The following DGKG variants were observed in gnomAD, a reference collection of about 807,000 sequenced individuals.
The protein encoded by DGKG is DAG kinase gamma.
DGKG carries 78 observed loss-of-function variants against 105.3 expected under a neutral mutation model. That is an observed-to-expected ratio of 0.74 (90% confidence interval 0.62 to 0.89). The LOEUF is 0.89. DGKG is among the 40% of genes least tolerant of loss of function. The pLI is 0.00. For missense variants in DGKG, 958 were observed against 1,020.1 expected, an observed-to-expected ratio of 0.94 and a Z score of 0.83; for synonymous variants, 346 against 367.1, an observed-to-expected ratio of 0.94 and a Z score of 0.66.
intron 22 of DGKG, 58 bp downstream of exon 22, chr3:186,188,144 C>T: frequency 1.3e-6 from 2 of 1,592,474 alleles, no homozygotes; most frequent in South Asian, 1.1e-5. Flanking sequence ...TGACATCCAC[C>T]TGAGGGCACC....
intron 5 of DGKG, among the ~76,000 whole-genome samples, chr3:186,292,984 C>T (rs1211204641): frequency 6.6e-6 from 1 of 152,124 alleles, no homozygotes; most frequent in Non-Finnish European, 1.5e-5. Context: ...TTTTAGAGCA[C>T]TGTAAAATTC....
intron 21 of DGKG, among the ~76,000 whole-genome samples, chr3:186,208,975 G>C (rs1013178211): frequency 5.9e-5 from 9 of 151,982 alleles, no homozygotes; most frequent in Non-Finnish European, 1.0e-4. Context: ...TTTTTAAAAT[G>C]TGATAATAGT....
At chr3:186,153,085 A>G (rs117841551) in intron 24 of DGKG, among the ~76,000 whole-genome samples, 2 of 151,946 alleles carry the variant, frequency 1.3e-5, no homozygotes, top group East Asian at 3.9e-4. Flanking sequence ...GTAAAACTCA[A>G]ATCTCTCCTG....
chr3:186,310,609 A>G (rs1724494216), intron 2 of DGKG, among the ~76,000 whole-genome samples: 1 of 152,240 alleles, frequency 6.6e-6, no homozygotes, highest in Non-Finnish European at 1.5e-5. Context: ...CTTAAGACAG[A>G]AAAGAACAAC....
intron 21 of DGKG, among the ~76,000 whole-genome samples, chr3:186,199,203 C>G (rs1560091109): frequency 6.6e-6 from 1 of 152,142 alleles, no homozygotes; most frequent in South Asian, 2.1e-4. Context: ...CCCACCTCAG[C>G]CTCCCAAAGT....
chr3:186,280,000 T>C (rs1183593865), intron 8 of DGKG, 27 bp from the exon 9 acceptor site: 6 of 1,612,900 alleles, frequency 3.7e-6, no homozygotes, highest in Non-Finnish European at 4.2e-6. Flanking sequence ...GCAATCATTG[T>C]CCATTTTCAT....
intron 23 of DGKG, among the ~76,000 whole-genome samples, chr3:186,164,588 T>A (rs775947376): frequency 6.6e-6 from 1 of 152,222 alleles, no homozygotes; most frequent in Non-Finnish European, 1.5e-5. Context: ...TTTGCAAATA[T>A]AAAAACACCA....
chr3:186,266,410 G>A (rs1303770355), intron 13 of DGKG, among the ~76,000 whole-genome samples: 1 of 152,064 alleles, frequency 6.6e-6, no homozygotes, highest in African/African-American at 2.4e-5. Flanking sequence ...CATTTAACTT[G>A]TTTCCAGTTT....
At chr3:186,192,891 A>G (rs1016893159) in intron 21 of DGKG, among the ~76,000 whole-genome samples, 2 of 152,216 alleles carry the variant, frequency 1.3e-5, no homozygotes, top group Non-Finnish European at 2.9e-5. Flanking sequence ...TCACCAGCAC[A>G]GTCCTTGACA....
intron 1 of DGKG, among the ~76,000 whole-genome samples, chr3:186,345,762 A>G (rs1726298069): frequency 6.6e-6 from 1 of 151,906 alleles, no homozygotes; most frequent in African/African-American, 2.4e-5. Context: ...TTACTTTTGC[A>G]TATAGTTTTG....
intron 2 of DGKG, among the ~76,000 whole-genome samples, chr3:186,315,660 G>GT (rs1346476897): frequency 1.3e-5 from 2 of 148,612 alleles, no homozygotes; most frequent in African/African-American, 2.5e-5. Context: ...TACAAATGTA[G>GT]TAAAAAAAAA....
chr3:186,291,359 C>T (rs1723302905), intron 5 of DGKG, among the ~76,000 whole-genome samples: 1 of 151,582 alleles, frequency 6.6e-6, no homozygotes, highest in Non-Finnish European at 1.5e-5. Context: ...AATTGAGGCT[C>T]ATAATATGTA....
In DGKG at chr3:186,203,602, AC is replaced by A. The variant is rs1718580016; in HGVS notation, c.1917+8192del. The stretch of plus-strand genomic sequence containing the variant: ...GGCAGGAGCTGCCTTGGATGGTCTC[AC>A]AGTGAAGGTGATGCTGGAATGAGGG... On this transcript the variant is annotated intron_variant, in intron 21 of 24. Coordinates refer to ENST00000265022, the MANE Select transcript of DGKG (RefSeq NM_001346.3). The surrounding 1 kb of genome is among the most constrained non-coding windows in gnomAD (Gnocchi z 4.9). Among the ~76,000 whole-genome samples, 1 of 152,184 alleles carries A rather than the reference AC, an allele frequency of 6.6e-6. No homozygotes were observed. Among genetic ancestry groups the A allele is most frequent in the Admixed American group, 6.5e-5 (1 of 15,282 alleles).
chr3:186,229,866 C>T (rs1284906711), intron 20 of DGKG, among the ~76,000 whole-genome samples: 1 of 152,160 alleles, frequency 6.6e-6, no homozygotes, highest in Non-Finnish European at 1.5e-5. Flanking sequence ...AGTGAGAAAG[C>T]TTATGAACAA....
At chr3:186,179,930 A>G (rs954703278) in intron 22 of DGKG, among the ~76,000 whole-genome samples, 2 of 152,174 alleles carry the variant, frequency 1.3e-5, no homozygotes, top group Non-Finnish European at 2.9e-5. Flanking sequence ...TTCAAAAACA[A>G]TCCCCTAACT....
intron 11 of DGKG, among the ~76,000 whole-genome samples, chr3:186,271,488 C>G (rs141900265): frequency 2.0e-5 from 3 of 152,066 alleles, no homozygotes; most frequent in Non-Finnish European, 4.4e-5. Context: ...GGGCCCTCAG[C>G]GCAGTACTGC....
At chr3:186,292,895 A>G (rs1452591128) in intron 5 of DGKG, among the ~76,000 whole-genome samples, 33 of 152,196 alleles carry the variant, frequency 2.2e-4, no homozygotes, top group Admixed American at 2.2e-3. Flanking sequence ...AAAAATCTAC[A>G]AGGAGATTAC....
intron 1 of DGKG, among the ~76,000 whole-genome samples, chr3:186,353,702 A>ATATCTATATCTATATCTATATC (rs1553825821): frequency 4.5e-4 from 57 of 125,872 alleles, no homozygotes; most frequent in Middle Eastern, 4.7e-3. Flanking sequence ...ATCTATATCT[A>ATATCTATATCTATATCTATATC]TATAACAGTG....
intron 3 of DGKG, 140 bp downstream of exon 3, chr3:186,306,761 A>T: frequency 1.6e-6 from 1 of 631,844 alleles, no homozygotes; most frequent in East Asian, 2.7e-5. Flanking sequence ...GGTAGCACAA[A>T]TGGCTCACTT....
Sources: gnomAD v4.1 joint callset for allele counts (sites outside exome capture counted in the v4.1 genomes callset) on GRCh38, gnomAD v4.1.1 for gene constraint, Gnocchi (gnomAD v3.1) non-coding constraint, MANE v1.5 for transcripts, NCBI Gene and HGNC (gene_info 2026-07-23, HGNC 2026-07-21) for gene names.